The following CSN2 variants were observed in gnomAD, a reference collection of about 807,000 sequenced individuals.
CSN2 encodes the protein beta-casein.
In CSN2, 27 loss-of-function variants were observed where a neutral mutation model predicts 27.3. That is an observed-to-expected ratio of 0.99 (90% CI 0.73 to 1.36). The LOEUF (loss-of-function observed/expected upper bound fraction) is 1.36. Among genes scored for constraint, CSN2 ranks in the 40% most tolerant of loss-of-function variants. The pLI is 0.00. For synonymous variants in CSN2, 131 were observed against 94.8 expected (o/e 1.38, Z -2.22); for missense variants, 333 against 264.5 (o/e 1.26, Z -1.80).
At chr4:69,961,552 T>C (rs1723584452) in intron 1 of CSN2, among the ~76,000 whole-genome samples, 1 of 152,144 alleles carries the variant, frequency 6.6e-6, no homozygotes, top group South Asian at 2.1e-4. Flanking sequence ...CTAAAAACTC[T>C]CAATAATTTA....
chr4:69,963,131 G>T (rs1723663330), intron 1 of CSN2, among the ~76,000 whole-genome samples: 1 of 152,066 alleles, frequency 6.6e-6, no homozygotes, highest in South Asian at 2.1e-4. Context: ...CTTTTACACT[G>T]TTGGTGGGAC....
intron 5 of CSN2, 55 bp downstream of exon 5, chr4:69,958,854 G>T: frequency 2.8e-6 from 3 of 1,059,950 alleles, no homozygotes; most frequent in South Asian, 1.7e-5. Flanking sequence ...AAATATTTTT[G>T]TATGTATTAT....
At chr4:69,958,407 T>A (rs1314702039) in intron 5 of CSN2, among the ~76,000 whole-genome samples, 1 of 152,184 alleles carries the variant, frequency 6.6e-6, no homozygotes, top group Non-Finnish European at 1.5e-5. Flanking sequence ...AAATATTTTA[T>A]GTGACTCCAA....
chr4:69,964,676 T>C (rs1006579998), intron 1 of CSN2, among the ~76,000 whole-genome samples: 2 of 151,156 alleles, frequency 1.3e-5, no homozygotes, highest in Non-Finnish European at 3.0e-5. Context: ...CTCTATTATA[T>C]ATAATTACAC....
intron 2 of CSN2, 126 bp from the exon 3 acceptor site, chr4:69,960,205 T>G: frequency 2.5e-6 from 2 of 809,440 alleles, no homozygotes; most frequent in Non-Finnish European, 3.9e-6. Flanking sequence ...GGATTGTTCC[T>G]TCTGAAAAGA....
At chr4:69,960,803 T>A in intron 2 of CSN2, 142 bp downstream of exon 2, 1 of 671,560 alleles carries the variant, frequency 1.5e-6, no homozygotes, top group Non-Finnish European at 2.5e-6. Flanking sequence ...TAAATATAAA[T>A]GATTTTGATA....
chr4:69,956,067 T>G (rs1412035465), intron 7 of CSN2, among the ~76,000 whole-genome samples: 1 of 152,008 alleles, frequency 6.6e-6, no homozygotes. Context: ...TGTAAGTATA[T>G]AGGCCCTTGA....
intron 1 of CSN2, among the ~76,000 whole-genome samples, chr4:69,961,251 G>C (rs1437886734): frequency 1.3e-5 from 2 of 152,034 alleles, no homozygotes; most frequent in Non-Finnish European, 2.9e-5. Context: ...CAGCTATTCA[G>C]ATTTTTCAGC....
intron 1 of CSN2, among the ~76,000 whole-genome samples, chr4:69,962,476 C>A (rs1026773021): frequency 1.7e-4 from 26 of 152,124 alleles, no homozygotes; most frequent in Non-Finnish European, 3.2e-4. Context: ...CAAAAACAAG[C>A]AATGGGGAAA....
intron 1 of CSN2, among the ~76,000 whole-genome samples, chr4:69,963,113 T>C (rs1425539934): frequency 6.6e-6 from 1 of 151,642 alleles, no homozygotes; most frequent in Non-Finnish European, 1.5e-5. Flanking sequence ...TGTGGAGAAA[T>C]AGGAACACTT....
At chr4:69,965,411 T>C (rs1328976670) in intron 1 of CSN2, among the ~76,000 whole-genome samples, 2 of 42,810 alleles carry the variant, frequency 4.7e-5, no homozygotes, top group East Asian at 9.4e-4. Context: ...CCTCATACTA[T>C]ATATATATAT....
intron 1 of CSN2, among the ~76,000 whole-genome samples, chr4:69,963,414 T>A (rs1488238990): frequency 6.6e-6 from 1 of 151,904 alleles, no homozygotes; most frequent in Non-Finnish European, 1.5e-5. Context: ...CCATAAAAAA[T>A]GATGAGTTCA....
At chr4:69,962,365 G>A (rs1404699322) in intron 1 of CSN2, among the ~76,000 whole-genome samples, 1 of 152,090 alleles carries the variant, frequency 6.6e-6, no homozygotes, top group African/African-American at 2.4e-5. Context: ...AAAACAGCAT[G>A]GTACTTGGTA....
chr4:69,963,457 A>G (rs1219665862), intron 1 of CSN2, among the ~76,000 whole-genome samples: 1 of 152,048 alleles, frequency 6.6e-6, no homozygotes, highest in Non-Finnish European at 1.5e-5. Flanking sequence ...GAAGCTGGAA[A>G]CCATCATTCT....
chr4:69,956,917 C>T (rs1439909540), intron 6 of CSN2, among the ~76,000 whole-genome samples: 1 of 151,966 alleles, frequency 6.6e-6, no homozygotes, highest in African/African-American at 2.4e-5. Flanking sequence ...CCAGGTGATT[C>T]TATTGTATAG....
At chr4:69,962,632 C>A (rs565043183) in intron 1 of CSN2, among the ~76,000 whole-genome samples, 134 of 152,138 alleles carry the variant, frequency 8.8e-4, no homozygotes, top group Non-Finnish European at 7.8e-4. Flanking sequence ...CATAAAAACC[C>A]TAGAAGAAAA....
Position 69,957,736 on chromosome 4 carries a change from A to G in CSN2, c.213T>C (p.Pro71=). The G allele has an allele frequency of 1.2e-6, 2 of 1,614,018 alleles. No individual in the cohort carries two copies. Among genetic ancestry groups the G allele is most frequent in the Non-Finnish European group, 1.7e-6 (2 of 1,179,970 alleles). ...TTTGTGGAAGAAAACCATAGGGGAT[A>G]GGTTCAACGAATGGATAGATCAGAG... ...PQPLIYPFVE[P]IPYGFLPQNI... The change falls in exon 6 of 8, where the codon CCT becomes CCC. Residue 71 remains proline, a synonymous_variant. Transcript: ENST00000353151.
intron 2 of CSN2, 35 bp downstream of exon 2, chr4:69,960,910 A>G: frequency 1.3e-6 from 2 of 1,577,622 alleles, no homozygotes; most frequent in South Asian, 1.1e-5. Flanking sequence ...TCCACTATTT[A>G]TTGATTGTTT....
intron 6 of CSN2, 88 bp downstream of exon 6, chr4:69,957,186 T>A: frequency 7.6e-7 from 1 of 1,318,638 alleles, no homozygotes; most frequent in Non-Finnish European, 1.0e-6. Context: ...ACTGTTTTTT[T>A]AATTCATTTA....
Sources: gnomAD v4.1 joint callset for allele counts (sites outside exome capture counted in the v4.1 genomes callset) on GRCh38, gnomAD v4.1.1 for gene constraint, MANE v1.5 for transcripts, NCBI Gene and HGNC (gene_info 2026-07-23, HGNC 2026-07-21) for gene names.